The following GRIK1 variants were observed in gnomAD, a reference collection of about 807,000 sequenced individuals.
The protein encoded by GRIK1 is glutamate ionotropic receptor kainate type subunit 1, also known as glutamate receptor ionotropic, kainate 1.
A neutral mutation model predicts 105.7 loss-of-function variants in GRIK1; 69 were observed. That is an observed-to-expected ratio of 0.65 (90% confidence interval 0.54 to 0.80). The LOEUF (loss-of-function observed/expected upper bound fraction) is 0.80. GRIK1 is among the 30% of genes least tolerant of loss of function. The pLI is 0.00. For missense variants in GRIK1, 1,109 were observed against 1,167.3 expected (o/e 0.95, Z 0.73); for synonymous variants, 438 against 431.3 (o/e 1.02, Z -0.19).
chr21:29,810,964 A>C (rs951508305), intron 1 of GRIK1, among the ~76,000 whole-genome samples: 2 of 152,154 alleles, frequency 1.3e-5, no homozygotes, highest in African/African-American at 4.8e-5. Flanking sequence ...TTAAAAGGGA[A>C]GATATCTTTA....
intron 12 of GRIK1, among the ~76,000 whole-genome samples, chr21:29,582,505 T>C (rs1013173612): frequency 3.3e-5 from 5 of 152,096 alleles, no homozygotes; most frequent in Non-Finnish European, 5.9e-5. Flanking sequence ...ATTTCCTTAT[T>C]TGTGAAGAGG....
At chr21:29,613,921 A>G (rs1011630977) in intron 7 of GRIK1, among the ~76,000 whole-genome samples, 2 of 152,150 alleles carry the variant, frequency 1.3e-5, no homozygotes, top group African/African-American at 4.8e-5. Flanking sequence ...TTTTTAATAT[A>G]TTGTAGGCAA....
chr21:29,631,382 A>G lies in GRIK1; in HGVS notation c.1098+11444T>C, dbSNP rs561067269. Among the ~76,000 whole-genome samples the G allele has an allele frequency of 3.9e-5, 6 of 152,360 alleles. No homozygotes were observed. In the South Asian group the frequency reaches 1.2e-3, roughly 32 times the overall value. On this transcript the variant is annotated intron_variant, in intron 7 of 17. Coordinates refer to ENST00000327783, the MANE Select transcript of GRIK1 (RefSeq NM_001330994.2). ...TGAGTGTCCTTGTAAGAAGAGACAT[A>G]CAGCAGTGCTGCTTCTCTTTATTAT...
chr21:29,870,618 T>C (rs1349232944), intron 1 of GRIK1, among the ~76,000 whole-genome samples: 1 of 152,136 alleles, frequency 6.6e-6, no homozygotes. Context: ...AGCAAATTTC[T>C]GTTTCACAAC....
intron 7 of GRIK1, among the ~76,000 whole-genome samples, chr21:29,613,618 C>T (rs1476998997): frequency 1.3e-5 from 2 of 152,114 alleles, no homozygotes; most frequent in African/African-American, 4.8e-5. Context: ...ATCCATCCAC[C>T]ACCCATATAC....
At chr21:29,918,182 T>C (rs2071064241) in intron 1 of GRIK1, among the ~76,000 whole-genome samples, 1 of 152,078 alleles carries the variant, frequency 6.6e-6, no homozygotes, top group African/African-American at 2.4e-5. Context: ...TACTTAGAAT[T>C]ACTAAGAAAA....
intron 6 of GRIK1, among the ~76,000 whole-genome samples, chr21:29,644,598 G>A (rs1017734472): frequency 6.6e-6 from 1 of 152,178 alleles, no homozygotes; most frequent in Non-Finnish European, 1.5e-5. Flanking sequence ...GATCATTTCA[G>A]TTCAGGACTT....
intron 1 of GRIK1, among the ~76,000 whole-genome samples, chr21:29,834,001 A>G (rs2067711628): frequency 6.6e-6 from 1 of 152,184 alleles, no homozygotes; most frequent in Non-Finnish European, 1.5e-5. Flanking sequence ...AGTGCTTTAT[A>G]TAATTGTATA....
chr21:29,742,805 A>G (rs1414388841), intron 1 of GRIK1, among the ~76,000 whole-genome samples: 1 of 152,202 alleles, frequency 6.6e-6, no homozygotes. Context: ...ACATTTTTCC[A>G]AATAGCTATC....
intron 1 of GRIK1, among the ~76,000 whole-genome samples, chr21:29,884,562 C>T (rs552018369): frequency 5.3e-5 from 8 of 151,986 alleles, no homozygotes; most frequent in Admixed American, 6.6e-5. Flanking sequence ...CATTTGATGA[C>T]GTAAAACATA....
rs1047159406 is a variant in GRIK1, at chr21:29,917,133, T to G, written c.118+22250A>C. Among the ~76,000 whole-genome samples the G allele has an allele frequency of 2.0e-5, 3 of 152,160 alleles. No individual in the cohort carries two copies. The East Asian group carries it at 5.8e-4, about 29-fold the overall frequency. On this transcript the variant is annotated intron_variant, in intron 1 of 17. Coordinates refer to ENST00000327783, the MANE Select transcript of GRIK1 (RefSeq NM_001330994.2). Reference sequence around the variant, plus strand: ...CTTGGCTTGCTTGCGCTTGCACACCTAAATACTTTCCAAATGAAGACTGGA... The same window carrying G: ...CTTGGCTTGCTTGCGCTTGCACACCGAAATACTTTCCAAATGAAGACTGGA...
At chr21:29,755,877 G>A (rs2178865) in intron 1 of GRIK1, among the ~76,000 whole-genome samples, 74,488 of 152,006 alleles carry the variant, frequency 0.49, 20,645 homozygotes, top group South Asian at 0.63. Context: ...GAGTAAAAAG[G>A]TTCGGATAAC....
chr21:29,848,170 T>G (rs1049875260), intron 1 of GRIK1, among the ~76,000 whole-genome samples: 36 of 152,298 alleles, frequency 2.4e-4, no homozygotes, highest in Admixed American at 4.6e-4. Context: ...AGTTGCACTT[T>G]TACCACCCTA....
chr21:29,648,098 A>T (rs1319650300), intron 6 of GRIK1, among the ~76,000 whole-genome samples: 1 of 152,222 alleles, frequency 6.6e-6, no homozygotes, highest in Non-Finnish European at 1.5e-5. Context: ...AATGCTTAAT[A>T]GTTAGAAATA....
intron 1 of GRIK1, among the ~76,000 whole-genome samples, chr21:29,814,652 G>A (rs960244165): frequency 1.3e-5 from 2 of 152,100 alleles, no homozygotes; most frequent in African/African-American, 4.8e-5. Flanking sequence ...GGTTGTTATG[G>A]TGACAGGATG....
chr21:29,563,540 T>A (rs1161964589), intron 14 of GRIK1, among the ~76,000 whole-genome samples: 1 of 152,196 alleles, frequency 6.6e-6, no homozygotes, highest in Non-Finnish European at 1.5e-5. Flanking sequence ...CATGTCCCCA[T>A]AACAAAGGCG....
rs975745351 is a variant in GRIK1, at chr21:29,908,340, T to C, written c.118+31043A>G. Among the ~76,000 whole-genome samples, 7 of 152,142 alleles carry C rather than the reference T, an allele frequency of 4.6e-5. No homozygotes were observed. The East Asian group carries it at 1.3e-3, about 29-fold the overall frequency. ...TCTTCCATCTTCTACTGTGACCTTT[T>C]TCCCCTTGTTCCTCCTTGTCAATCC... is the stretch of plus-strand genomic sequence containing the variant. On this transcript the variant is annotated intron_variant, in intron 1 of 17. Coordinates refer to ENST00000327783, the MANE Select transcript of GRIK1 (RefSeq NM_001330994.2).
chr21:29,884,336 C>T (rs1054980396), intron 1 of GRIK1, among the ~76,000 whole-genome samples: 1 of 151,926 alleles, frequency 6.6e-6, no homozygotes, highest in Non-Finnish European at 1.5e-5. Flanking sequence ...TTTTACTATC[C>T]TATCGTAAAA....
chr21:29,756,893 C>T (rs770775947), intron 1 of GRIK1, among the ~76,000 whole-genome samples: 91 of 152,186 alleles, frequency 6.0e-4, no homozygotes, highest in Non-Finnish European at 9.6e-4. Context: ...GTGGGCGGAT[C>T]GTCTGAGCTC....
Sources: allele counts gnomAD v4.1 joint callset (sites outside exome capture counted in the v4.1 genomes callset), GRCh38; gene constraint gnomAD v4.1.1; transcripts MANE v1.5; gene names NCBI Gene and HGNC (gene_info 2026-07-23, HGNC 2026-07-21).